Variants in LRRIQ1 observed in about 807,000 individuals in gnomAD.
The protein encoded by LRRIQ1 is leucine rich repeats and IQ motif containing 1.
In LRRIQ1, 210 loss-of-function variants were observed where a neutral mutation model predicts 211.9. That is an observed-to-expected ratio of 0.99 (90% confidence interval 0.89 to 1.11). The LOEUF (loss-of-function observed/expected upper bound fraction) is 1.11, where lower values mean the gene tolerates loss of function less well. LRRIQ1 is among the 50% of genes most tolerant of loss of function. LRRIQ1 has a pLI of 0.00. For missense variants in LRRIQ1, 2,136 were observed against 1,939.5 expected (o/e 1.10, Z -1.90); for synonymous variants, 699 against 650.1 (o/e 1.08, Z -1.14).
intron 24 of LRRIQ1, among the ~76,000 whole-genome samples, chr12:85,219,046 T>A (rs1043828222): frequency 3.9e-5 from 6 of 152,150 alleles, no homozygotes; most frequent in Non-Finnish European, 7.4e-5. Context: ...ACCTCACTTG[T>A]CCTACTCACC....
chr12:85,213,733 G>A (rs1592979262), intron 24 of LRRIQ1, among the ~76,000 whole-genome samples: 1 of 151,968 alleles, frequency 6.6e-6, no homozygotes, highest in Non-Finnish European at 1.5e-5. Flanking sequence ...AAAAACTTAT[G>A]AGTAGAAGAA....
At chr12:85,240,483 A>C (rs1165926458) in intron 26 of LRRIQ1, among the ~76,000 whole-genome samples, 1 of 152,060 alleles carries the variant, frequency 6.6e-6, no homozygotes, top group East Asian at 1.9e-4. Context: ...CATACGACCT[A>C]ATTATTCTTC....
chr12:85,052,233 G>A lies in LRRIQ1; in HGVS notation c.735G>A (p.Glu245=). The stretch of plus-strand genomic sequence containing the variant: ...ATAAAGAAGAGAAAATTTGGAAAGA[G>A]AAATTTAAACAGCATGAGGTATCTA... The part of the protein sequence containing the change: ...ELYKEEKIWK[E]KFKQHEEYIR... Residue 245 remains glutamate (E), a synonymous_variant, in exon 7 of 27, where the codon GAG becomes GAA. Transcript: ENST00000393217. The A allele has an allele frequency of 6.4e-7, 1 of 1,551,024 alleles. No individual in the cohort carries two copies. The highest frequency in any genetic ancestry group is 8.8e-7 in the Non-Finnish European group (1 of 1,136,362).
intron 26 of LRRIQ1, among the ~76,000 whole-genome samples, chr12:85,238,127 GA>G (rs888710015): frequency 2.0e-5 from 3 of 149,208 alleles, no homozygotes; most frequent in Non-Finnish European, 3.0e-5. Flanking sequence ...CACCTTAATT[GA>G]AAAAAAAATA....
At chr12:85,217,387 T>G (rs1894138585) in intron 24 of LRRIQ1, among the ~76,000 whole-genome samples, 1 of 147,458 alleles carries the variant, frequency 6.8e-6, no homozygotes, top group South Asian at 2.1e-4. Flanking sequence ...CCTCAATTAA[T>G]AAATATATGT....
In LRRIQ1 at chr12:85,261,163, C is replaced by T. The variant is rs188401570; in HGVS notation, c.122-1752C>T. Among the ~76,000 whole-genome samples the T allele has an allele frequency of 1.6e-4, 25 of 152,216 alleles. No individual in the cohort carries two copies. In the East Asian group the frequency reaches 4.3e-3, roughly 26 times the overall value. On this transcript the variant is annotated intron_variant, in intron 1 of 1. Coordinates refer to the LRRIQ1 transcript ENST00000602731. ...CTCTAGCTCCGTTACAGACTAGTGT[C>T]TGTAGACATGAGCATTAGTCTTTAT...
chr12:85,126,082 A>C (rs1888354692), intron 17 of LRRIQ1, among the ~76,000 whole-genome samples: 1 of 152,188 alleles, frequency 6.6e-6, no homozygotes, highest in Non-Finnish European at 1.5e-5. Flanking sequence ...GATGATGATC[A>C]TGGAGTTGTT....
chr12:85,173,571 T>C (rs1260945525), intron 24 of LRRIQ1, among the ~76,000 whole-genome samples: 3 of 151,994 alleles, frequency 2.0e-5, no homozygotes, highest in African/African-American at 7.2e-5. Context: ...ATACACTCTT[T>C]TTCTCCCTGC....
chr12:85,144,942 T>G (rs534446625), intron 19 of LRRIQ1, among the ~76,000 whole-genome samples: 4 of 151,710 alleles, frequency 2.6e-5, no homozygotes, highest in African/African-American at 9.6e-5. Flanking sequence ...TTTGTTTTTG[T>G]TTTTTGTTTT....
At chr12:85,232,859 A>C (rs1436900775) in intron 26 of LRRIQ1, 103 bp downstream of exon 26, 6 of 784,258 alleles carry the variant, frequency 7.7e-6, no homozygotes, top group African/African-American at 1.7e-5. Flanking sequence ...AAATATCACA[A>C]CTGTATCTAT....
At chr12:85,236,045 C>A (rs1895158830) in intron 26 of LRRIQ1, among the ~76,000 whole-genome samples, 1 of 152,026 alleles carries the variant, frequency 6.6e-6, no homozygotes. Flanking sequence ...GATTGGAAAG[C>A]TGAGATTGTT....
At chr12:85,059,645 AT>A (rs1881547920) in intron 8 of LRRIQ1, among the ~76,000 whole-genome samples, 1 of 152,058 alleles carries the variant, frequency 6.6e-6, no homozygotes, top group Non-Finnish European at 1.5e-5. Flanking sequence ...GTCAGGAACT[AT>A]CTGTAATGAC....
In LRRIQ1 at chr12:85,056,530, G is replaced by A. The variant is rs778966941; in HGVS notation, c.1737G>A (p.Gln579=). ...NEEQKIIKDN[Q]QKKIQKVEKE... ...AGCAGAAAATAATCAAAGATAATCA[G>A]CAGAAAAAGATACAAAAAGTAGAAA... Residue 579 remains glutamine (Q), a synonymous_variant, in exon 8 of 27, where the codon CAG becomes CAA. Coordinates refer to ENST00000393217, the MANE Select transcript of LRRIQ1 (RefSeq NM_001079910.2). 4 of 1,610,816 alleles carry A rather than the reference G, an allele frequency of 2.5e-6. No homozygotes were observed. Among genetic ancestry groups the A allele is most frequent in the Non-Finnish European group, 3.4e-6 (4 of 1,178,668 alleles).
At chr12:85,252,779 C>G (rs932798678) in intron 1 of LRRIQ1, among the ~76,000 whole-genome samples, 2 of 151,824 alleles carry the variant, frequency 1.3e-5, no homozygotes, top group Non-Finnish European at 2.9e-5. Context: ...GTTAATAATA[C>G]TTTAAATTTA....
At chr12:85,160,908 G>A (rs1290281203) in intron 24 of LRRIQ1, among the ~76,000 whole-genome samples, 194 bp downstream of exon 24, 4 of 151,798 alleles carry the variant, frequency 2.6e-5, no homozygotes, top group African/African-American at 9.7e-5. Context: ...TATTGATATA[G>A]TCATTGAAAA....
chr12:85,145,699 G>T (rs1036751697), intron 19 of LRRIQ1, among the ~76,000 whole-genome samples: 9 of 151,646 alleles, frequency 5.9e-5, no homozygotes, highest in Non-Finnish European at 5.9e-5. Flanking sequence ...CTTCTAAACG[G>T]CTGTTAGCAA....
At chr12:85,139,364 T>C (rs1331674256) in intron 19 of LRRIQ1, among the ~76,000 whole-genome samples, 3 of 151,516 alleles carry the variant, frequency 2.0e-5, no homozygotes, top group Non-Finnish European at 1.5e-5. Flanking sequence ...TCTTACCAGA[T>C]GTCATCTCAC....
intron 10 of LRRIQ1, among the ~76,000 whole-genome samples, chr12:85,072,119 C>G (rs1259390776): frequency 6.6e-6 from 1 of 151,600 alleles, no homozygotes; most frequent in Non-Finnish European, 1.5e-5. Context: ...ATAGATTTTC[C>G]TCTGAGCAAT....
intron 17 of LRRIQ1, 52 bp from the exon 18 acceptor site, chr12:85,127,780 T>C: frequency 1.3e-6 from 2 of 1,493,806 alleles, no homozygotes; most frequent in Middle Eastern, 1.7e-4. Flanking sequence ...TCTACAACTC[T>C]GTATTTACAG....
Sources: gnomAD v4.1 joint callset for allele counts (sites outside exome capture counted in the v4.1 genomes callset) on GRCh38, gnomAD v4.1.1 for gene constraint, MANE v1.5 for transcripts, NCBI Gene and HGNC (gene_info 2026-07-23, HGNC 2026-07-21) for gene names.